C3orf52: variants seen among roughly 807,000 people sequenced by gnomAD.
C3orf52 encodes chromosome 3 open reading frame 52, also known as TPA-induced transmembrane protein.
Under a neutral mutation model 24.8 loss-of-function variants are expected in C3orf52, and 22 were observed. The ratio of observed to expected loss-of-function variants is 0.89; its 90% CI spans 0.63 to 1.27. The LOEUF is 1.27. Among genes scored for constraint, C3orf52 ranks in the 50% most tolerant of loss-of-function variants. The pLI, the probability that C3orf52 is intolerant of heterozygous loss-of-function variation, is 0.00. For missense variants in C3orf52, 265 were observed against 260.7 expected (o/e 1.02, Z -0.11); for synonymous variants, 93 against 100.2 (o/e 0.93, Z 0.43).
intron 4 of C3orf52, chr3:112,123,447 C>T (rs754475803): frequency 1.2e-6 from 2 of 1,612,262 alleles, no homozygotes; most frequent in Non-Finnish European, 1.7e-6. Flanking sequence ...GCTAGTCCAG[C>T]CACTTCACTA....
downstream of C3orf52, among the ~76,000 whole-genome samples, chr3:112,131,897 C>A (rs977799307): frequency 6.6e-6 from 1 of 152,088 alleles, no homozygotes; most frequent in African/African-American, 2.4e-5. Flanking sequence ...GTCCAAATAG[C>A]ATAAGATGTG....
chr3:112,105,534 T>C (rs535824264), intron 3 of C3orf52, among the ~76,000 whole-genome samples: 886 of 83,888 alleles, frequency 0.011, 18 homozygotes, highest in East Asian at 0.089. Context: ...GAACACTTCT[T>C]TGGCCGTGTG....
intron 4 of C3orf52, chr3:112,128,046 A>G: frequency 6.2e-7 from 1 of 1,613,868 alleles, no homozygotes. Flanking sequence ...CTTCAGCGAT[A>G]TGGTGATCCC....
At chr3:112,123,351 G>A in intron 4 of C3orf52, 2 of 1,525,954 alleles carry the variant, frequency 1.3e-6, no homozygotes, top group Non-Finnish European at 1.8e-6. Flanking sequence ...GGTTGTTGTG[G>A]GAGATAAGCT....
intron 4 of C3orf52, among the ~76,000 whole-genome samples, chr3:112,110,762 C>A (rs1347650717): frequency 6.6e-6 from 1 of 152,150 alleles, no homozygotes; most frequent in Non-Finnish European, 1.5e-5. Context: ...TTGAGATTCC[C>A]CCTTCAAACT....
chr3:112,108,612 A>C (rs1435842283), intron 3 of C3orf52, among the ~76,000 whole-genome samples: 1 of 152,230 alleles, frequency 6.6e-6, no homozygotes, highest in Non-Finnish European at 1.5e-5. Flanking sequence ...AGGCTGGTAT[A>C]CTCATTTAAA....
chr3:112,136,372 T>G, the C3orf52 span, among the ~76,000 whole-genome samples: 8 of 152,224 alleles, frequency 5.3e-5, no homozygotes, highest in Non-Finnish European at 1.0e-4. Context: ...AGTGTTTTCT[T>G]TCTCTTCTAT....
At chr3:112,091,879 C>A (rs1233983812) in intron 1 of C3orf52, among the ~76,000 whole-genome samples, 1 of 152,152 alleles carries the variant, frequency 6.6e-6, no homozygotes. Flanking sequence ...TGGCGGGCGC[C>A]TGTAGTCCCA....
intron 2 of C3orf52, among the ~76,000 whole-genome samples, chr3:112,093,847 A>AT (rs932370870): frequency 6.6e-5 from 10 of 151,930 alleles, no homozygotes; most frequent in African/African-American, 2.4e-4. Flanking sequence ...TTTTCTTTTC[A>AT]TTTGTTTGCT....
At chr3:112,125,384 G>T in intron 4 of C3orf52, 1 of 677,164 alleles carries the variant, frequency 1.5e-6, no homozygotes, top group South Asian at 1.7e-5. Context: ...AGGCTATTCT[G>T]ATCTACAGCA....
intron 3 of C3orf52, among the ~76,000 whole-genome samples, chr3:112,107,712 A>C (rs1423571933): frequency 1.3e-5 from 2 of 152,178 alleles, no homozygotes; most frequent in Non-Finnish European, 2.9e-5. Context: ...GTGCTGTTTA[A>C]TTTTCCAGTA....
intron 2 of C3orf52, 68 bp downstream of exon 2, chr3:112,093,557 GA>G: frequency 7.0e-7 from 1 of 1,433,404 alleles, no homozygotes; most frequent in African/African-American, 1.4e-5. Context: ...GACTTACACT[GA>G]AATGGAAGAT....
At chr3:112,130,859 G>A, downstream of C3orf52, 1 of 321,800 alleles carries the variant, frequency 3.1e-6, no homozygotes, top group East Asian at 6.7e-5. Context: ...CATCTCTTTG[G>A]TGCAGTTCCA....
the C3orf52 span, among the ~76,000 whole-genome samples, chr3:112,136,122 A>C: frequency 6.6e-6 from 1 of 152,222 alleles, no homozygotes; most frequent in Non-Finnish European, 1.5e-5. Context: ...ATGAGAAATT[A>C]GTTTTTAAGG....
chr3:112,132,440 G>A (rs2074479423), downstream of C3orf52, among the ~76,000 whole-genome samples: 1 of 152,194 alleles, frequency 6.6e-6, no homozygotes, highest in Non-Finnish European at 1.5e-5. Flanking sequence ...TAAGGAAGAT[G>A]ATGGTCAGAA....
At chr3:112,130,587 G>A (rs2074430098), downstream of C3orf52, 4 of 1,332,378 alleles carry the variant, frequency 3.0e-6, no homozygotes, top group Non-Finnish European at 3.2e-6. Context: ...TAATTTTTCC[G>A]ACTTTCCTCA....
In C3orf52 at chr3:112,102,956, C is replaced by T. The variant is rs2073987851; in HGVS notation, c.387C>T (p.Leu129=). Residue 129 remains leucine, a synonymous_variant, in exon 3 of 6, where the codon CTC becomes CTT. Coordinates refer to ENST00000264848, the MANE Select transcript of C3orf52 (RefSeq NM_024616.3). ...CVAEEELPHL[L]TERLTDVYST... The stretch of plus-strand genomic sequence containing the variant: ...CTGAAGAGGAATTGCCTCACCTGCT[C>T]ACCGAAAGGGTAATTCCATCTTATA... 2 of 1,612,200 alleles carry T rather than the reference C, an allele frequency of 1.2e-6. No homozygotes were observed. Among genetic ancestry groups the T allele is most frequent in the African/African-American group, 1.3e-5 (1 of 74,886 alleles).
downstream of C3orf52, among the ~76,000 whole-genome samples, chr3:112,118,849 A>G (rs958948022): frequency 6.6e-6 from 1 of 152,238 alleles, no homozygotes; most frequent in Admixed American, 6.5e-5. Context: ...GGCAACAGCC[A>G]TATCAGCAGA....
At chr3:112,118,957 T>C (rs753789788), downstream of C3orf52, among the ~76,000 whole-genome samples, 1 of 152,186 alleles carries the variant, frequency 6.6e-6, no homozygotes, top group African/African-American at 2.4e-5. Context: ...GAAAAAATGA[T>C]GTGTTTTATG....
Sources: allele counts gnomAD v4.1 joint callset (sites outside exome capture counted in the v4.1 genomes callset), GRCh38; gene constraint gnomAD v4.1.1; transcripts MANE v1.5; gene names NCBI Gene and HGNC (gene_info 2026-07-23, HGNC 2026-07-21).